AP3B2: variants seen among roughly 807,000 people sequenced by gnomAD.
AP3B2 encodes the protein AP-3 complex subunit beta-2.
In AP3B2, 50 loss-of-function variants were observed where a neutral mutation model predicts 126.9. The ratio of observed to expected loss-of-function variants is 0.39; its 90% CI spans 0.31 to 0.50. The LOEUF (loss-of-function observed/expected upper bound fraction) is 0.50, where lower values mean the gene tolerates loss of function less well. Among genes scored for constraint, AP3B2 ranks in the 20% least tolerant of loss-of-function variants. AP3B2 has a pLI of 0.79. For missense variants in AP3B2, 1,177 were observed against 1,426.4 expected, an observed-to-expected ratio of 0.83 and a Z score of 2.82; for synonymous variants, 541 against 565.0, an observed-to-expected ratio of 0.96 and a Z score of 0.60.
chr15:82,667,074 TC>T, intron 14 of AP3B2, 141 bp from the exon 15 acceptor site: 2 of 793,920 alleles, frequency 2.5e-6, no homozygotes, highest in Non-Finnish European at 3.9e-6. Flanking sequence ...CAGCTGTCCC[TC>T]CCCACCTGCC....
intron 10 of AP3B2, among the ~76,000 whole-genome samples, chr15:82,679,376 G>A (rs1427380287): frequency 1.3e-5 from 2 of 152,128 alleles, no homozygotes; most frequent in Non-Finnish European, 2.9e-5. Flanking sequence ...TGCCTGTCTC[G>A]GCCTCCCAAA....
intron 1 of AP3B2, among the ~76,000 whole-genome samples, chr15:82,704,174 G>T (rs1567277268): frequency 1.3e-5 from 2 of 152,128 alleles, no homozygotes. Flanking sequence ...CCAGTTCATG[G>T]CTCGTTGGGC....
intron 13 of AP3B2, 81 bp from the exon 14 acceptor site, chr15:82,676,718 A>C: frequency 7.0e-7 from 1 of 1,423,360 alleles, no homozygotes; most frequent in Non-Finnish European, 9.6e-7. Context: ...GGGAAACAGC[A>C]CTCCTCATCT....
intron 4 of AP3B2, among the ~76,000 whole-genome samples, chr15:82,683,225 A>T (rs1401186077): frequency 6.6e-6 from 1 of 150,600 alleles, no homozygotes; most frequent in African/African-American, 2.4e-5. Context: ...TGCCTGGCTA[A>T]TTTTTCTGTT....
chr15:82,703,810 G>A (rs751559263), intron 1 of AP3B2, among the ~76,000 whole-genome samples: 58 of 151,974 alleles, frequency 3.8e-4, no homozygotes, highest in Admixed American at 7.2e-4. Context: ...AACCCCAAGC[G>A]TCGCTGCGTC....
chr15:82,668,046 C>G (rs990651973), intron 14 of AP3B2, among the ~76,000 whole-genome samples: 2 of 152,226 alleles, frequency 1.3e-5, no homozygotes, highest in East Asian at 1.9e-4. Context: ...CATACTGTTA[C>G]GTGTAGCCTT....
Position 82,680,775 on chromosome 15 carries a change from G to T in AP3B2, c.772-20C>A, listed in dbSNP as rs756061361. On this transcript the variant is annotated intron_variant, in intron 7 of 26. Transcript: ENST00000535359. The surrounding 1 kb of genome is among the most constrained non-coding windows in gnomAD (Gnocchi z 6.1). ...GGATTCCTGGACGGGGAGACCGACG[G>T]GTCTGTGGGCGCCTCCCCGGGACAC... is the stretch of plus-strand genomic sequence containing the variant. The T allele has an allele frequency of 2.5e-6, 4 of 1,601,626 alleles. No individual in the cohort carries two copies. The highest frequency in any genetic ancestry group is 2.2e-5 in the East Asian group (1 of 44,750).
At chr15:82,709,185 T>C (rs534798425) in intron 1 of AP3B2, among the ~76,000 whole-genome samples, 1 of 152,006 alleles carries the variant, frequency 6.6e-6, no homozygotes, top group African/African-American at 2.4e-5. Context: ...CCCGCCTTCC[T>C]GAAGAGGCCC....
chr15:82,694,695 A>C (rs1487239279), intron 1 of AP3B2, among the ~76,000 whole-genome samples: 1 of 152,116 alleles, frequency 6.6e-6, no homozygotes, highest in Non-Finnish European at 1.5e-5. Flanking sequence ...TAAAAAAAAA[A>C]AAAAACAAGA....
At position 82,662,936 on chromosome 15, in the gene AP3B2, G is replaced by A; in HGVS notation, c.2605-14C>T. 2 of 1,607,554 alleles carry A rather than the reference G, an allele frequency of 1.2e-6. No individual in the cohort carries two copies. The highest frequency in any genetic ancestry group is 2.2e-5 in the South Asian group (2 of 90,168). On this transcript the variant is annotated splice_polypyrimidine_tract_variant and intron_variant, in intron 22 of 26. Transcript: ENST00000535359. ...TGGACTCAGAAGCTAGAGTGGAGGGGTAGGGAAGGACAGAACTGAGCAAGA... is the reference window on the plus strand; with the variant it reads ...TGGACTCAGAAGCTAGAGTGGAGGGATAGGGAAGGACAGAACTGAGCAAGA...
chr15:82,700,397 C>CTTTTTTT lies in AP3B2; in HGVS notation c.113+9190_113+9196dup, dbSNP rs1226910164. On this transcript the variant is annotated intron_variant, in intron 1 of 26. Transcript: ENST00000535359. ...CCACTGGCCTGCCAGTGGTGGGTGGCTTTTTTTTTTTTTTTTTTCAGATGG... is the reference window on the plus strand; with the variant it reads ...CCACTGGCCTGCCAGTGGTGGGTGGCTTTTTTTTTTTTTTTTTTTTTTTTTCAGATGG... Among the ~76,000 whole-genome samples, 37 of 35,086 alleles carry CTTTTTTT rather than the reference C, an allele frequency of 1.1e-3. 12 individuals carry two copies. The highest frequency in any genetic ancestry group is 4.7e-3 in the East Asian group (4 of 854). The allele number at this position is 35,086 out of a possible 152,430, so 23.0% of individuals were successfully genotyped here.
At chr15:82,699,343 G>T in intron 1 of AP3B2, 1 of 258,164 alleles carries the variant, frequency 3.9e-6, no homozygotes, top group Admixed American at 5.5e-5. Context: ...CACTCCAGTG[G>T]GGGCCTGTGG....
intron 4 of AP3B2, among the ~76,000 whole-genome samples, chr15:82,683,081 C>T (rs543360905): frequency 1.0e-4 from 6 of 58,286 alleles, no homozygotes; most frequent in East Asian, 1.2e-3. Flanking sequence ...TTTTTTGTAA[C>T]GGAGTCTCGC....
At chr15:82,676,321 GGCAGACCA>G in intron 14 of AP3B2, 132 bp downstream of exon 14, 1 of 853,712 alleles carries the variant, frequency 1.2e-6, no homozygotes. Flanking sequence ...TGGTTATGTG[GGCAGACCA>G]GCCACCTTCC....
Position 82,664,261 on chromosome 15 carries a change from C to A in AP3B2, c.2261+106G>T. ...TGAGCTGACAGCCCCACCCAGCTCA[C>A]GAGGGGCTCAGGGGCTCTTAGGAGA... On this transcript the variant is annotated intron_variant, in intron 19 of 26. Coordinates refer to ENST00000535359, the MANE Select transcript of AP3B2 (RefSeq NM_001278512.2). The surrounding 1 kb of genome is among the most constrained non-coding windows in gnomAD (Gnocchi z 4.5). 6.4e-7 allele frequency: 1 copy of A among 1,557,704 alleles called. No homozygotes were observed. Among genetic ancestry groups the A allele is most frequent in the Non-Finnish European group, 8.7e-7 (1 of 1,147,452 alleles).
At chr15:82,678,043 C>T in intron 11 of AP3B2, 62 bp downstream of exon 11, 1 of 1,568,946 alleles carries the variant, frequency 6.4e-7, no homozygotes, top group South Asian at 1.1e-5. Context: ...GTTTACCCAC[C>T]AGGGCACAAG....
Position 82,659,486 on chromosome 15 carries a change from GAT to G in AP3B2, c.*72_*73del. 6.4e-7 allele frequency: 1 copy of G among 1,560,250 alleles called. No individual in the cohort carries two copies. The highest frequency in any genetic ancestry group is 8.8e-7 in the Non-Finnish European group (1 of 1,142,810). On this transcript the variant is annotated 3_prime_UTR_variant, in exon 27 of 27. Coordinates refer to ENST00000535359, the MANE Select transcript of AP3B2 (RefSeq NM_001278512.2). The stretch of plus-strand genomic sequence containing the variant: ...GAGGATGATGAGAGAGAGAGAGAAA[GAT>G]GAGAGAGACTGACAGCCTAGGTGTC...
At chr15:82,668,196 T>G (rs1341231285) in intron 14 of AP3B2, among the ~76,000 whole-genome samples, 2 of 152,200 alleles carry the variant, frequency 1.3e-5, no homozygotes, top group Non-Finnish European at 2.9e-5. Flanking sequence ...CCACTATGAT[T>G]CCACATTCCT....
At position 82,680,921 on chromosome 15, in the gene AP3B2, G is replaced by T; in HGVS notation, c.687C>A (p.Ile229=). 2 of 1,613,952 alleles carry T rather than the reference G, an allele frequency of 1.2e-6. No homozygotes were observed. The highest frequency in any genetic ancestry group is 1.7e-5 in the Admixed American group (1 of 60,022). ...CCACCTGGCCCCACTCCTCCACGTC[G>T]ATCAGCAGGTTACAGAGTTTCCGGT... is the stretch of plus-strand genomic sequence containing the variant. ...KNYRKLCNLL[I]DVEEWGQVVI... The change falls in exon 7 of 27, where the codon ATC becomes ATA. Residue 229 remains isoleucine, a synonymous_variant. Coordinates refer to ENST00000535359, the MANE Select transcript of AP3B2 (RefSeq NM_001278512.2). This position sits in a 1 kb window ranked among gnomAD's most constrained non-coding sequence, Gnocchi z 6.1.
Sources: gnomAD v4.1 joint callset for allele counts (sites outside exome capture counted in the v4.1 genomes callset) on GRCh38, gnomAD v4.1.1 for gene constraint, Gnocchi (gnomAD v3.1) non-coding constraint, MANE v1.5 for transcripts, NCBI Gene and HGNC (gene_info 2026-07-23, HGNC 2026-07-21) for gene names.